GRM7: variants seen among roughly 807,000 people sequenced by gnomAD.
The protein encoded by GRM7 is glutamate metabotropic receptor 7.
In GRM7, 35 loss-of-function variants were observed where a neutral mutation model predicts 84.5. That is an observed-to-expected ratio of 0.41 (90% confidence interval 0.32 to 0.55). The LOEUF (loss-of-function observed/expected upper bound fraction) is 0.55. Ranked by LOEUF, GRM7 falls within the 20% of genes least tolerant of loss-of-function variation. The pLI is 0.19. For synonymous variants in GRM7, 487 were observed against 455.1 expected (o/e 1.07, Z -0.89); for missense variants, 1,003 against 1,194.6 (o/e 0.84, Z 2.36).
intron 4 of GRM7, among the ~76,000 whole-genome samples, chr3:7,333,136 CCCTGGCTAA>C (rs1193112797): frequency 1.3e-5 from 2 of 152,102 alleles, no homozygotes; most frequent in Non-Finnish European, 1.5e-5. Flanking sequence ...GCCTGCAACA[CCCTGGCTAA>C]CCTGAGTCTG....
Position 7,693,800 on chromosome 3 carries a change from G to A in GRM7, c.2698+13505G>A, listed in dbSNP as rs188066120. 75 of 649,564 alleles carry A rather than the reference G, an allele frequency of 1.2e-4. No homozygotes were observed. In the East Asian group the frequency reaches 1.6e-3, roughly 14 times the overall value. The allele number at this position is 649,564 out of a possible 1,614,324, so 40.2% of individuals were successfully genotyped here. Reference sequence around the variant, plus strand: ...TTATCCTGTTTGCATGAGTTTAGTCGGGGGTAGTTCTCATCACATGCCAGC... The same window carrying A: ...TTATCCTGTTTGCATGAGTTTAGTCAGGGGTAGTTCTCATCACATGCCAGC... On this transcript the variant is annotated intron_variant, in intron 9 of 9. Transcript: ENST00000357716.
chr3:7,463,982 A>G (rs1698358835), intron 7 of GRM7, among the ~76,000 whole-genome samples: 1 of 152,118 alleles, frequency 6.6e-6, no homozygotes, highest in African/African-American at 2.4e-5. Context: ...ACCAATTATG[A>G]TTCTTTTGCA....
At chr3:7,528,211 G>T (rs1393965069) in intron 7 of GRM7, among the ~76,000 whole-genome samples, 1 of 151,916 alleles carries the variant, frequency 6.6e-6, no homozygotes, top group African/African-American at 2.4e-5. Context: ...ACTCATTATT[G>T]GTCTGTTGAG....
chr3:7,201,024 C>T, intron 2 of GRM7, among the ~76,000 whole-genome samples: 1 of 130,632 alleles, frequency 7.7e-6, no homozygotes, highest in Non-Finnish European at 1.5e-5. Context: ...GGCTGGAGTG[C>T]AGTGGCACGA....
intron 9 of GRM7, among the ~76,000 whole-genome samples, chr3:7,690,246 T>A (rs1413266687): frequency 6.6e-6 from 1 of 152,090 alleles, no homozygotes; most frequent in Admixed American, 6.6e-5. Flanking sequence ...CTTTGTGCCT[T>A]TAAGTACAAA....
chr3:7,031,493 T>C, intron 1 of GRM7, among the ~76,000 whole-genome samples: 1 of 152,030 alleles, frequency 6.6e-6, no homozygotes, highest in East Asian at 1.9e-4. Context: ...CTCGGCTCAC[T>C]GCAAGCTCCG....
chr3:6,871,771 T>C (rs922807770), intron 1 of GRM7, among the ~76,000 whole-genome samples: 3 of 152,168 alleles, frequency 2.0e-5, no homozygotes, highest in African/African-American at 7.2e-5. Flanking sequence ...ACACATTTTA[T>C]ATCAACACAC....
At chr3:7,306,848 C>T (rs1026914814) in intron 4 of GRM7, among the ~76,000 whole-genome samples, 196 bp downstream of exon 4, 1 of 152,168 alleles carries the variant, frequency 6.6e-6, no homozygotes, top group African/African-American at 2.4e-5. Flanking sequence ...TTGAGGAGAT[C>T]ATATTATTTT....
At chr3:6,888,938 G>C (rs1202726386) in intron 1 of GRM7, among the ~76,000 whole-genome samples, 1 of 152,072 alleles carries the variant, frequency 6.6e-6, no homozygotes, top group Non-Finnish European at 1.5e-5. Context: ...CCTTGAAGAG[G>C]TCCTTCACAT....
intron 1 of GRM7, among the ~76,000 whole-genome samples, chr3:7,029,149 C>G (rs1696091273): frequency 6.6e-6 from 1 of 151,874 alleles, no homozygotes; most frequent in African/African-American, 2.4e-5. Flanking sequence ...ACTAAAAATA[C>G]AAAAATTAGT....
chr3:7,119,803 G>A (rs889291947), intron 1 of GRM7, among the ~76,000 whole-genome samples: 3 of 152,176 alleles, frequency 2.0e-5, no homozygotes, highest in Non-Finnish European at 2.9e-5. Flanking sequence ...TTTATTCAAC[G>A]TAGAACAAAA....
chr3:6,935,591 G>A (rs1697660372), intron 1 of GRM7, among the ~76,000 whole-genome samples: 1 of 151,598 alleles, frequency 6.6e-6, no homozygotes, highest in South Asian at 2.1e-4. Flanking sequence ...TCCTTTGCCA[G>A]CTGGCATGAT....
At chr3:7,539,492 A>T (rs1335631453) in intron 7 of GRM7, among the ~76,000 whole-genome samples, 1 of 151,480 alleles carries the variant, frequency 6.6e-6, no homozygotes, top group Non-Finnish European at 1.5e-5. Context: ...CTGGCAAAAG[A>T]TGGTGAAACC....
intron 9 of GRM7, among the ~76,000 whole-genome samples, chr3:7,689,951 C>T (rs1335981209): frequency 6.6e-6 from 1 of 152,132 alleles, no homozygotes; most frequent in African/African-American, 2.4e-5. Flanking sequence ...GACAAGGGCT[C>T]TTCCTCAAGG....
At chr3:7,415,394 C>T (rs948144505) in intron 5 of GRM7, among the ~76,000 whole-genome samples, 2 of 152,096 alleles carry the variant, frequency 1.3e-5, no homozygotes, top group Non-Finnish European at 2.9e-5. Context: ...TTCAGTGATT[C>T]TTTGAATTCA....
At chr3:7,382,229 G>C (rs1206225546) in intron 4 of GRM7, among the ~76,000 whole-genome samples, 1 of 152,064 alleles carries the variant, frequency 6.6e-6, no homozygotes, top group Non-Finnish European at 1.5e-5. Context: ...CCAAGTTGAT[G>C]ATAATTATCA....
At chr3:7,351,663 G>A (rs1244566182) in intron 4 of GRM7, among the ~76,000 whole-genome samples, 3 of 152,074 alleles carry the variant, frequency 2.0e-5, no homozygotes, top group East Asian at 3.9e-4. Context: ...AAGAAGTGGG[G>A]CATTCAGCTT....
chr3:7,343,857 C>T (rs56976581), intron 4 of GRM7, among the ~76,000 whole-genome samples: 6,324 of 152,012 alleles, frequency 0.042, 292 homozygotes, highest in African/African-American at 0.12. Flanking sequence ...GCAGTTGCCA[C>T]GATATTCCTT....
chr3:6,992,707 A>C (rs1389421885), intron 1 of GRM7, among the ~76,000 whole-genome samples: 1 of 152,210 alleles, frequency 6.6e-6, no homozygotes, highest in Non-Finnish European at 1.5e-5. Flanking sequence ...AGGAGCCATA[A>C]CCATGAAGAA....
Sources: gnomAD v4.1 joint callset for allele counts (sites outside exome capture counted in the v4.1 genomes callset) on GRCh38, gnomAD v4.1.1 for gene constraint, MANE v1.5 for transcripts, NCBI Gene and HGNC (gene_info 2026-07-23, HGNC 2026-07-21) for gene names.